The following CELF2 variants were observed in gnomAD, a reference collection of about 807,000 sequenced individuals.
CELF2 encodes the protein CUG triplet repeat RNA-binding protein 2.
CELF2 carries 8 observed loss-of-function variants against 62.6 expected under a neutral mutation model. The ratio of observed to expected loss-of-function variants is 0.13; its 90% CI spans 0.07 to 0.23. The LOEUF (loss-of-function observed/expected upper bound fraction) is 0.23. Ranked by LOEUF, CELF2 falls within the 10% of genes least tolerant of loss-of-function variation. CELF2 has a pLI of 1.00. For synonymous variants in CELF2, 258 were observed against 250.0 expected (o/e 1.03, Z -0.30); for missense variants, 333 against 671.0 (o/e 0.50, Z 5.56).
intron 1 of CELF2, among the ~76,000 whole-genome samples, chr10:11,097,626 C>T (rs1291386404): frequency 2.0e-5 from 3 of 152,196 alleles, no homozygotes; most frequent in Admixed American, 2.0e-4. Context: ...TATCTTTGAC[C>T]TTATACTTCT....
chr10:10,544,230 C>T, the CELF2 span, among the ~76,000 whole-genome samples: 1 of 152,158 alleles, frequency 6.6e-6, no homozygotes, highest in Admixed American at 6.5e-5. Flanking sequence ...TCCCTGTTGG[C>T]CATCCAGGTG....
chr10:10,671,087 G>A, the CELF2 span, among the ~76,000 whole-genome samples: 1 of 148,948 alleles, frequency 6.7e-6, no homozygotes, highest in South Asian at 2.1e-4. Context: ...GATTACCTAA[G>A]CCTGGGAGAT....
At position 11,328,563 on chromosome 10, in the gene CELF2, T is replaced by C. The variant is rs1022049049; in HGVS notation, c.1439-363T>C. 6.6e-6 allele frequency among the ~76,000 whole-genome samples: 1 copy of C among 152,222 alleles called. No homozygotes were observed. Among genetic ancestry groups the C allele is most frequent in the African/African-American group, 2.4e-5 (1 of 41,460 alleles). ...TACACCACTGCTTGTATGAGTAGCA[T>C]GTATGGACCTGGGGTTCTTTTGGAG... On this transcript the variant is annotated intron_variant, in intron 12 of 12. Coordinates refer to ENST00000633077, the MANE Select transcript of CELF2 (RefSeq NM_001326342.2). This position sits in a 1 kb window ranked among gnomAD's most constrained non-coding sequence, Gnocchi z 6.4.
At chr10:10,591,489 T>C in the CELF2 span, among the ~76,000 whole-genome samples, 4 of 152,164 alleles carry the variant, frequency 2.6e-5, no homozygotes, top group African/African-American at 9.7e-5. Flanking sequence ...AAATACTGAA[T>C]GTTTATCTCT....
At chr10:10,920,630 T>C (rs1365303626) in intron 2 of CELF2, among the ~76,000 whole-genome samples, 1 of 151,612 alleles carries the variant, frequency 6.6e-6, no homozygotes, top group Admixed American at 6.6e-5. Flanking sequence ...ATTAACAGAA[T>C]GCAAGCTCTA....
the CELF2 span, among the ~76,000 whole-genome samples, chr10:10,583,105 G>A: frequency 1.3e-5 from 2 of 152,174 alleles, no homozygotes; most frequent in African/African-American, 2.4e-5. Flanking sequence ...AATGAAAGCT[G>A]TCTTCAAATA....
At chr10:10,776,510 A>G in the CELF2 span, 1 of 154,136 alleles carries the variant, frequency 6.5e-6, no homozygotes, top group Non-Finnish European at 1.5e-5. Context: ...CAGATTATGT[A>G]TAATATTTGT....
the CELF2 span, among the ~76,000 whole-genome samples, chr10:10,691,029 A>C: frequency 6.6e-6 from 1 of 151,982 alleles, no homozygotes; most frequent in South Asian, 2.1e-4. Context: ...ATTATACTTT[A>C]AGTTTTAGGG....
intron 2 of CELF2, chr10:10,924,005 T>C (rs2065180907): frequency 6.6e-6 from 1 of 152,160 alleles, no homozygotes; most frequent in Non-Finnish European, 1.5e-5. Flanking sequence ...GTGTTTTAAA[T>C]AAATCATGGT....
At chr10:10,872,058 A>G (rs2060785067) in intron 1 of CELF2, among the ~76,000 whole-genome samples, 1 of 152,196 alleles carries the variant, frequency 6.6e-6, no homozygotes, top group Non-Finnish European at 1.5e-5. Flanking sequence ...AAAATGCTTG[A>G]TATTTTCCAT....
chr10:10,736,661 GA>G, the CELF2 span, among the ~76,000 whole-genome samples: 1 of 151,570 alleles, frequency 6.6e-6, no homozygotes, highest in Non-Finnish European at 1.5e-5. Context: ...CAAGATGATT[GA>G]GTTAAGAGGA....
chr10:11,151,564 C>CGTAT (rs2063338056), intron 1 of CELF2, among the ~76,000 whole-genome samples: 1 of 152,068 alleles, frequency 6.6e-6, no homozygotes, highest in Admixed American at 6.5e-5. Context: ...GTATCAGTAC[C>CGTAT]GTATACACAG....
chr10:10,930,337 C>G (rs1483104336), intron 2 of CELF2, among the ~76,000 whole-genome samples: 2 of 152,170 alleles, frequency 1.3e-5, no homozygotes, highest in African/African-American at 4.8e-5. Flanking sequence ...CAAAGACATA[C>G]TTTAAAAATT....
intron 2 of CELF2, among the ~76,000 whole-genome samples, chr10:10,950,573 A>G (rs535687970): frequency 1.3e-5 from 2 of 152,326 alleles, no homozygotes; most frequent in South Asian, 4.2e-4. Context: ...GACATATAGA[A>G]GAATGGCAGA....
chr10:10,480,464 G>T, the CELF2 span, among the ~76,000 whole-genome samples: 8 of 152,278 alleles, frequency 5.3e-5, no homozygotes, highest in African/African-American at 1.9e-4. Flanking sequence ...GTAATTCAGA[G>T]AAACATAGCA....
chr10:11,306,713 T>C lies in CELF2; in HGVS notation c.977-7426T>C, dbSNP rs2174023. On this transcript the variant is annotated intron_variant, in intron 9 of 12. Transcript: ENST00000633077. This position sits in a 1 kb window ranked among gnomAD's most constrained non-coding sequence, Gnocchi z 4.4. ...ACTTTAAGGCAAGTCATCTAGTTAATTTTTCTTAGTCTCATGCTTGATTCT... is the reference window on the plus strand; with the variant it reads ...ACTTTAAGGCAAGTCATCTAGTTAACTTTTCTTAGTCTCATGCTTGATTCT... 0.94 allele frequency among the ~76,000 whole-genome samples: 143,629 copies of C among 152,160 alleles called. 68,107 individuals carry two copies. The highest frequency in any genetic ancestry group is 0.99 in the Non-Finnish European group (67,317 of 68,038).
At chr10:10,471,221 C>T in the CELF2 span, among the ~76,000 whole-genome samples, 1 of 151,694 alleles carries the variant, frequency 6.6e-6, no homozygotes, top group Non-Finnish European at 1.5e-5. Flanking sequence ...CCACAGTTAT[C>T]TGATGTAGTA....
chr10:11,024,516 G>A (rs572741696), intron 1 of CELF2, among the ~76,000 whole-genome samples: 3 of 152,130 alleles, frequency 2.0e-5, no homozygotes, highest in Non-Finnish European at 4.4e-5. Flanking sequence ...GGGGAGGATC[G>A]CCTGAACCTG....
rs557325281 is a variant in CELF2, at chr10:11,178,667, G to A, written c.271+12985G>A. On this transcript the variant is annotated intron_variant, in intron 2 of 12. Coordinates refer to ENST00000633077, the MANE Select transcript of CELF2 (RefSeq NM_001326342.2). The surrounding 1 kb of genome is among the most constrained non-coding windows in gnomAD (Gnocchi z 4.3). ...TTAAGAGGCGAAAAGAAGAGTCTTC[G>A]TCAAATGGCAGAGTTTGATTGTTTA... Among the ~76,000 whole-genome samples the A allele has an allele frequency of 8.5e-5, 13 of 152,282 alleles. No individual in the cohort carries two copies. The South Asian group carries it at 1.9e-3, about 22-fold the overall frequency.
Sources: gnomAD v4.1 joint callset for allele counts (sites outside exome capture counted in the v4.1 genomes callset) on GRCh38, gnomAD v4.1.1 for gene constraint, Gnocchi (gnomAD v3.1) non-coding constraint, MANE v1.5 for transcripts, NCBI Gene and HGNC (gene_info 2026-07-23, HGNC 2026-07-21) for gene names.